Variants in ZNG1E observed in about 807,000 individuals in gnomAD.
The protein encoded by ZNG1E is Zn regulated GTPase metalloprotein activator 1E, also known as zinc-regulated GTPase metalloprotein activator 1E.
At chr9:65,663,256 G>C in the ZNG1E span, among the ~76,000 whole-genome samples, 2 of 152,312 alleles carry the variant, frequency 1.3e-5, no homozygotes, top group African/African-American at 4.8e-5. Flanking sequence ...TTTAAAGAAT[G>C]TAGTGACCAT....
the ZNG1E span, among the ~76,000 whole-genome samples, chr9:65,693,179 A>G: frequency 6.6e-6 from 1 of 152,088 alleles, no homozygotes; most frequent in South Asian, 2.1e-4. Flanking sequence ...ATTAGTAAGA[A>G]GACTCTCTCC....
At chr9:65,685,041 C>CT in the ZNG1E span, among the ~76,000 whole-genome samples, 3 of 87,672 alleles carry the variant, frequency 3.4e-5, no homozygotes, top group African/African-American at 1.1e-4. Context: ...GACCCCATTT[C>CT]TTAAAAAAAA....
chr9:65,704,897 C>T, the ZNG1E span: 6 of 60,160 alleles, frequency 1.0e-4, no homozygotes, highest in East Asian at 3.9e-4. Context: ...GGTGACAGAG[C>T]GAGACTCTGT....
At chr9:65,732,855 T>C in the ZNG1E span, 1 of 1,552,878 alleles carries the variant, frequency 6.4e-7, no homozygotes, top group East Asian at 2.3e-5. Flanking sequence ...ATAATTGAAA[T>C]TAAATAATTT....
chr9:65,719,393 C>T, the ZNG1E span: 3 of 133,330 alleles, frequency 2.3e-5, 1 homozygote, highest in African/African-American at 9.8e-5. Context: ...TTTCCCCCTC[C>T]CGTCCTGTCC....
chr9:65,679,730 T>G, the ZNG1E span, among the ~76,000 whole-genome samples: 49 of 152,350 alleles, frequency 3.2e-4, no homozygotes, highest in East Asian at 9.5e-3. Context: ...AATTTTTGTA[T>G]TTTTAGTAGA....
chr9:65,720,991 C>T, the ZNG1E span, among the ~76,000 whole-genome samples: 7 of 149,004 alleles, frequency 4.7e-5, no homozygotes, highest in African/African-American at 1.8e-4. Context: ...AAAAAAAAAC[C>T]CAGTTCTTTA....
chr9:65,684,257 C>T, the ZNG1E span, among the ~76,000 whole-genome samples: 1 of 151,794 alleles, frequency 6.6e-6, no homozygotes, highest in African/African-American at 2.4e-5. Context: ...CAAGTAAGGG[C>T]TGGGCATGGT....
At chr9:65,709,297 C>G in the ZNG1E span, among the ~76,000 whole-genome samples, 3 of 150,552 alleles carry the variant, frequency 2.0e-5, no homozygotes, top group African/African-American at 7.5e-5. Flanking sequence ...ACAAATAACT[C>G]TCTTCACTTT....
the ZNG1E span, among the ~76,000 whole-genome samples, chr9:65,656,693 G>T: frequency 3.7e-3 from 560 of 150,688 alleles, no homozygotes; most frequent in African/African-American, 0.013. Flanking sequence ...ATTTGGGGAT[G>T]GAGTTCAGTA....
the ZNG1E span, among the ~76,000 whole-genome samples, chr9:65,687,759 A>G: frequency 2.7e-5 from 4 of 149,316 alleles, no homozygotes; most frequent in African/African-American, 4.9e-5. Flanking sequence ...TTACTGTAGA[A>G]AAGTCTGATT....
chr9:65,659,320 C>T, the ZNG1E span, among the ~76,000 whole-genome samples: 12 of 149,890 alleles, frequency 8.0e-5, no homozygotes, highest in Middle Eastern at 3.4e-3. Flanking sequence ...CATGGTGAAA[C>T]GCTGTCTCTA....
the ZNG1E span, among the ~76,000 whole-genome samples, chr9:65,727,234 T>C: frequency 2.1e-5 from 3 of 145,814 alleles, no homozygotes; most frequent in African/African-American, 8.0e-5. Flanking sequence ...AAAGGAACTC[T>C]AAATCTTGAA....
chr9:65,706,324 A>G, the ZNG1E span: 1 of 90,396 alleles, frequency 1.1e-5, no homozygotes, highest in African/African-American at 5.4e-5. Flanking sequence ...CCTCTCTTTT[A>G]AGAAAAACAT....
the ZNG1E span, among the ~76,000 whole-genome samples, chr9:65,666,143 C>A: frequency 6.7e-6 from 1 of 149,648 alleles, no homozygotes; most frequent in African/African-American, 2.4e-5. Flanking sequence ...AATGTGAGAA[C>A]ATGAGATTTG....
At chr9:65,684,254 G>A in the ZNG1E span, among the ~76,000 whole-genome samples, 8 of 151,792 alleles carry the variant, frequency 5.3e-5, no homozygotes, top group Non-Finnish European at 1.0e-4. Flanking sequence ...ATACAAGTAA[G>A]GGCTGGGCAT....
the ZNG1E span, among the ~76,000 whole-genome samples, chr9:65,667,002 G>A: frequency 1.3e-5 from 2 of 151,924 alleles, no homozygotes; most frequent in Non-Finnish European, 2.9e-5. Flanking sequence ...TGTATTATTA[G>A]TAGGGACACG....
chr9:65,717,563 G>T, the ZNG1E span, among the ~76,000 whole-genome samples: 12 of 149,696 alleles, frequency 8.0e-5, no homozygotes, highest in South Asian at 4.2e-4. Context: ...TCCGTGTCTG[G>T]ATTAGAACTG....
the ZNG1E span, among the ~76,000 whole-genome samples, chr9:65,679,786 C>CT: frequency 6.6e-6 from 1 of 151,994 alleles, no homozygotes; most frequent in Non-Finnish European, 1.5e-5. Context: ...AGCTCCTGGC[C>CT]TTATGATCCA....
Sources: allele counts gnomAD v4.1 joint callset (sites outside exome capture counted in the v4.1 genomes callset), GRCh38; gene constraint gnomAD v4.1.1; transcripts MANE v1.5; gene names NCBI Gene and HGNC (gene_info 2026-07-23, HGNC 2026-07-21).